Variants in EXOC4 observed in about 807,000 individuals in gnomAD.
EXOC4 encodes exocyst complex component 4.
Under a neutral mutation model 107.2 loss-of-function variants are expected in EXOC4, and 71 were observed. The observed-to-expected ratio is 0.66, with a 90% CI of 0.55 to 0.81. The LOEUF is 0.81. EXOC4 is among the 30% of genes least tolerant of loss of function. The pLI is 0.00. For synonymous variants in EXOC4, 456 were observed against 441.2 expected, an observed-to-expected ratio of 1.03 and a Z score of -0.42; for missense variants, 1,108 against 1,189.6, an observed-to-expected ratio of 0.93 and a Z score of 1.01.
At chr7:133,479,452 T>C (rs1799100838) in intron 8 of EXOC4, 1 of 152,626 alleles carries the variant, frequency 6.6e-6, no homozygotes, top group African/African-American at 2.4e-5. Context: ...GAGTATTTTA[T>C]ATTGTAGGCA....
At chr7:133,273,125 C>T (rs913665081) in intron 1 of EXOC4, among the ~76,000 whole-genome samples, 1 of 152,120 alleles carries the variant, frequency 6.6e-6, no homozygotes, top group African/African-American at 2.4e-5. Flanking sequence ...AAATTGAAGG[C>T]ATTTTCTGAT....
intron 14 of EXOC4, among the ~76,000 whole-genome samples, chr7:133,976,767 C>T (rs1170428114): frequency 6.6e-6 from 1 of 152,018 alleles, no homozygotes; most frequent in Non-Finnish European, 1.5e-5. Context: ...GTTTGGTTTA[C>T]AAATTGGTAT....
chr7:133,345,689 C>A (rs1425727252), intron 5 of EXOC4, among the ~76,000 whole-genome samples: 2 of 152,174 alleles, frequency 1.3e-5, no homozygotes, highest in African/African-American at 4.8e-5. Context: ...AGCAGACCTA[C>A]CATCATTTCC....
chr7:133,553,828 G>A (rs924729758), intron 9 of EXOC4, among the ~76,000 whole-genome samples: 16 of 152,074 alleles, frequency 1.1e-4, no homozygotes, highest in Non-Finnish European at 2.4e-4. Flanking sequence ...TAAAATTGTG[G>A]TAAGTTTTTA....
At chr7:133,923,084 A>G (rs537187318) in intron 13 of EXOC4, among the ~76,000 whole-genome samples, 14 of 150,390 alleles carry the variant, frequency 9.3e-5, no homozygotes, top group African/African-American at 3.2e-4. Flanking sequence ...GAGTGTTAGT[A>G]TACACTGCCA....
At chr7:133,587,189 A>G (rs1270576319) in intron 9 of EXOC4, among the ~76,000 whole-genome samples, 1 of 152,146 alleles carries the variant, frequency 6.6e-6, no homozygotes, top group Non-Finnish European at 1.5e-5. Flanking sequence ...GTAAGGTATC[A>G]AAATAGAACA....
At chr7:133,346,351 A>G (rs1422411299) in intron 5 of EXOC4, among the ~76,000 whole-genome samples, 2 of 152,130 alleles carry the variant, frequency 1.3e-5, no homozygotes, top group Non-Finnish European at 2.9e-5. Context: ...TCCAGCGCTC[A>G]TTGGAACTGT....
chr7:133,430,849 A>G (rs112388978), intron 7 of EXOC4, among the ~76,000 whole-genome samples: 205 of 152,330 alleles, frequency 1.3e-3, no homozygotes, highest in African/African-American at 4.8e-3. Context: ...ATACTTTGAA[A>G]GGCCATAAAA....
chr7:133,759,144 A>ATT lies in EXOC4; in HGVS notation c.1515-58164_1515-58163dup, dbSNP rs34768347. On this transcript the variant is annotated intron_variant, in intron 10 of 17. Coordinates refer to ENST00000253861, the MANE Select transcript of EXOC4 (RefSeq NM_021807.4). ...AACAAACAAACAAACCAACAAAAGA[A>ATT]TTTTTTTTTTTTTTTTTTGTTAGAG... Among the ~76,000 whole-genome samples, 246 of 140,656 alleles carry ATT rather than the reference A, an allele frequency of 1.7e-3. 6 individuals carry two copies. Among genetic ancestry groups the ATT allele is most frequent in the South Asian group, 0.011 (48 of 4,360 alleles). 92.3% of individuals were successfully genotyped at this position (140,656 alleles called of 152,430 possible).
chr7:133,747,432 G>C (rs1295917949), intron 10 of EXOC4, among the ~76,000 whole-genome samples: 1 of 152,102 alleles, frequency 6.6e-6, no homozygotes, highest in African/African-American at 2.4e-5. Flanking sequence ...GGGGATGGTG[G>C]TCACTATCAC....
intron 10 of EXOC4, among the ~76,000 whole-genome samples, chr7:133,675,193 A>G (rs956696104): frequency 2.6e-5 from 4 of 152,146 alleles, no homozygotes; most frequent in African/African-American, 9.7e-5. Flanking sequence ...GGATTGCTTC[A>G]AAATCTCTTC....
Position 133,711,038 on chromosome 7 carries a change from C to T in EXOC4, c.1514+80897C>T, listed in dbSNP as rs191131330. On this transcript the variant is annotated intron_variant, in intron 10 of 17. Transcript: ENST00000253861. ...GATGTGATACACCACACCGTCCCCACGGAAAAACAGCAATACAAAATGAAC... is the reference window on the plus strand; with the variant it reads ...GATGTGATACACCACACCGTCCCCATGGAAAAACAGCAATACAAAATGAAC... Among the ~76,000 whole-genome samples the T allele has an allele frequency of 1.5e-4, 23 of 152,188 alleles. 1 individual carries two copies. The highest frequency in any genetic ancestry group is 4.1e-4 in the South Asian group (2 of 4,822).
chr7:133,871,650 TC>T (rs1798754632), intron 11 of EXOC4, among the ~76,000 whole-genome samples: 1 of 152,132 alleles, frequency 6.6e-6, no homozygotes, highest in Admixed American at 6.6e-5. Context: ...TGTTTCCACT[TC>T]CCATCCTCTT....
intron 10 of EXOC4, among the ~76,000 whole-genome samples, chr7:133,812,468 CCTT>C (rs1797256540): frequency 6.6e-6 from 1 of 152,124 alleles, no homozygotes; most frequent in African/African-American, 2.4e-5. Flanking sequence ...TGACCACTCT[CCTT>C]CTCTAAGTCC....
intron 9 of EXOC4, among the ~76,000 whole-genome samples, chr7:133,583,046 G>C (rs1801315131): frequency 6.6e-6 from 1 of 152,280 alleles, no homozygotes; most frequent in Non-Finnish European, 1.5e-5. Context: ...ATACTATTTA[G>C]TGGTTTTAGT....
intron 17 of EXOC4, among the ~76,000 whole-genome samples, chr7:134,020,515 A>AG (rs1232717811): frequency 6.6e-6 from 1 of 152,214 alleles, no homozygotes; most frequent in African/African-American, 2.4e-5. Flanking sequence ...ATGACACACA[A>AG]GGTGGTCACC....
chr7:133,798,900 G>A (rs1796872402), intron 10 of EXOC4, among the ~76,000 whole-genome samples: 1 of 152,192 alleles, frequency 6.6e-6, no homozygotes, highest in Admixed American at 6.5e-5. Flanking sequence ...AAAAGATGAG[G>A]TATAAACACA....
At chr7:133,540,756 A>G (rs936326388) in intron 9 of EXOC4, among the ~76,000 whole-genome samples, 3 of 152,194 alleles carry the variant, frequency 2.0e-5, no homozygotes, top group African/African-American at 7.2e-5. Context: ...AGACTTTGCC[A>G]GTTTTACTTG....
chr7:133,503,778 G>A lies in EXOC4; in HGVS notation c.1417+23640G>A, dbSNP rs189385388. On this transcript the variant is annotated intron_variant, in intron 9 of 17. Transcript: ENST00000253861. ...GGTCCATAGCAAAGGGAGCCTAAGC[G>A]TATGAATTAGGGATTCTTAACCTAT... Among the ~76,000 whole-genome samples the A allele has an allele frequency of 4.5e-4, 69 of 152,240 alleles. 1 individual carries two copies. The highest frequency in any genetic ancestry group is 1.6e-3 in the African/African-American group (66 of 41,564).
Sources: allele counts gnomAD v4.1 joint callset (sites outside exome capture counted in the v4.1 genomes callset), GRCh38; gene constraint gnomAD v4.1.1; transcripts MANE v1.5; gene names NCBI Gene and HGNC (gene_info 2026-07-23, HGNC 2026-07-21).